GPD2: variants seen among roughly 807,000 people sequenced by gnomAD.
GPD2 encodes the protein glycerol-3-phosphate dehydrogenase, mitochondrial.
Under a neutral mutation model 82.4 loss-of-function variants are expected in GPD2, and 54 were observed. The observed-to-expected ratio is 0.66, with a 90% CI of 0.53 to 0.82. GPD2 has a LOEUF of 0.82. GPD2 is among the 40% of genes least tolerant of loss of function. The pLI, the probability that GPD2 is intolerant of heterozygous loss-of-function variation, is 0.00. For missense variants in GPD2, 748 were observed against 896.2 expected (o/e 0.83, Z 2.11); for synonymous variants, 288 against 306.1 (o/e 0.94, Z 0.62).
At position 156,476,103 on chromosome 2, in the gene GPD2, G is replaced by T. The variant is rs1036126365; in HGVS notation, c.-3G>T. ...TTTCTTATTTTTCTTTGTAGGCTAA[G>T]AAATGGCATTTCAAAAGGCAGTGAA... is the stretch of plus-strand genomic sequence containing the variant. On this transcript the variant is annotated 5_prime_UTR_variant, in exon 2 of 17. Coordinates refer to ENST00000438166, the MANE Select transcript of GPD2 (RefSeq NM_000408.5). 1 of 1,557,320 alleles carries T rather than the reference G, an allele frequency of 6.4e-7. No homozygotes were observed. Among genetic ancestry groups the T allele is most frequent in the African/African-American group, 1.4e-5 (1 of 73,848 alleles).
chr2:156,442,187 C>T (rs1200157487), intron 1 of GPD2, among the ~76,000 whole-genome samples: 1 of 152,056 alleles, frequency 6.6e-6, no homozygotes, highest in Non-Finnish European at 1.5e-5. Flanking sequence ...GACAGAGAGA[C>T]TGTTTTCTGA....
At chr2:156,503,105 T>C (rs996482550) in intron 3 of GPD2, among the ~76,000 whole-genome samples, 5 of 152,266 alleles carry the variant, frequency 3.3e-5, no homozygotes, top group African/African-American at 1.2e-4. Flanking sequence ...GTGCCTTGGC[T>C]GTGGTGCTGG....
chr2:156,543,212 T>A (rs964697333), intron 6 of GPD2, among the ~76,000 whole-genome samples: 14 of 152,162 alleles, frequency 9.2e-5, no homozygotes, highest in African/African-American at 3.4e-4. Context: ...TCCCCCTTGA[T>A]CCCATGACCA....
chr2:156,515,312 G>A (rs946279834), intron 6 of GPD2, among the ~76,000 whole-genome samples: 10 of 151,672 alleles, frequency 6.6e-5, no homozygotes, highest in Non-Finnish European at 1.2e-4. Flanking sequence ...TGAGGTGGCT[G>A]CAGTGAGCTG....
intron 2 of GPD2, among the ~76,000 whole-genome samples, chr2:156,477,431 C>T (rs910310858): frequency 2.0e-5 from 3 of 152,050 alleles, no homozygotes; most frequent in Non-Finnish European, 4.4e-5. Context: ...AACCCTGTCT[C>T]AATCAATCAA....
chr2:156,516,350 G>T (rs1306545367), intron 6 of GPD2, among the ~76,000 whole-genome samples: 2 of 152,196 alleles, frequency 1.3e-5, no homozygotes, highest in Non-Finnish European at 2.9e-5. Context: ...ATTTTAAAGT[G>T]AACAGAAATA....
chr2:156,414,603 T>C, the GPD2 span, among the ~76,000 whole-genome samples: 1 of 152,210 alleles, frequency 6.6e-6, no homozygotes, highest in East Asian at 1.9e-4. Flanking sequence ...TTTCTAGCTC[T>C]GTAACTCTGT....
At chr2:156,567,801 T>C (rs531201915) in intron 9 of GPD2, among the ~76,000 whole-genome samples, 66 of 152,260 alleles carry the variant, frequency 4.3e-4, no homozygotes, top group African/African-American at 1.5e-3. Context: ...CCTTCTCTCT[T>C]AAGTCATTTT....
intron 1 of GPD2, among the ~76,000 whole-genome samples, chr2:156,460,042 C>T (rs1041146556): frequency 6.6e-6 from 1 of 152,198 alleles, no homozygotes; most frequent in African/African-American, 2.4e-5. Flanking sequence ...CTGACTGCTT[C>T]ATGGTAGGAA....
At chr2:156,538,099 A>T (rs1223773457) in intron 6 of GPD2, among the ~76,000 whole-genome samples, 1 of 152,204 alleles carries the variant, frequency 6.6e-6, no homozygotes, top group East Asian at 1.9e-4. Flanking sequence ...TTTATGTGAG[A>T]GACATCAGAT....
intron 1 of GPD2, among the ~76,000 whole-genome samples, chr2:156,471,503 C>T (rs1683326997): frequency 6.6e-6 from 1 of 152,184 alleles, no homozygotes; most frequent in African/African-American, 2.4e-5. Flanking sequence ...TTTTTAAACA[C>T]CATTTCTAGC....
chr2:156,551,600 C>A (rs866983155), intron 8 of GPD2, among the ~76,000 whole-genome samples: 1 of 152,062 alleles, frequency 6.6e-6, no homozygotes, highest in African/African-American at 2.4e-5. Flanking sequence ...TTCATTATGG[C>A]ATTGTTTGTA....
intron 3 of GPD2, among the ~76,000 whole-genome samples, chr2:156,499,418 A>G (rs1684505512): frequency 6.6e-6 from 1 of 152,142 alleles, no homozygotes; most frequent in Non-Finnish European, 1.5e-5. Context: ...AATTGTTGAA[A>G]TGTAGGCCTG....
chr2:156,563,517 G>C (rs2105354823), intron 9 of GPD2, among the ~76,000 whole-genome samples: 1 of 152,256 alleles, frequency 6.6e-6, no homozygotes, highest in East Asian at 1.9e-4. Flanking sequence ...TGGTTTCTGG[G>C]TGAGAACTTG....
In GPD2 at chr2:156,474,847, G is replaced by T. The variant is rs138957500; in HGVS notation, c.-8-1251G>T. Among the ~76,000 whole-genome samples, 131 of 152,050 alleles carry T rather than the reference G, an allele frequency of 8.6e-4. 1 individual carries two copies. The East Asian group carries it at 0.024, about 28-fold the overall frequency. ...TATTCAGTGGAGCAGAGTGTGGGGT[G>T]GCTCATGTTTGTAATCCTAGCACTT... On this transcript the variant is annotated intron_variant, in intron 1 of 16. Coordinates refer to ENST00000438166, the MANE Select transcript of GPD2 (RefSeq NM_000408.5).
chr2:156,426,202 C>A, the GPD2 span, among the ~76,000 whole-genome samples: 1 of 152,172 alleles, frequency 6.6e-6, no homozygotes, highest in African/African-American at 2.4e-5. Flanking sequence ...GGATTACAGG[C>A]GTGAGCCACC....
rs188321723 is a variant in GPD2, at chr2:156,494,555, T to G, written c.103-1489T>G. Among the ~76,000 whole-genome samples the G allele has an allele frequency of 9.2e-5, 14 of 152,358 alleles. No individual in the cohort carries two copies. In the East Asian group the frequency reaches 2.7e-3, roughly 29 times the overall value. On this transcript the variant is annotated intron_variant, in intron 2 of 16. Transcript: ENST00000438166. ...TGGCCTGATAATAATTAAATGCAAC[T>G]GCAGGGGGTAAGTGGGTTTCCTTTA...
intron 6 of GPD2, among the ~76,000 whole-genome samples, chr2:156,531,039 C>G (rs1685835633): frequency 6.6e-6 from 1 of 152,056 alleles, no homozygotes; most frequent in East Asian, 1.9e-4. Flanking sequence ...TTAACACAAA[C>G]ATAATGAAAT....
the GPD2 span, among the ~76,000 whole-genome samples, chr2:156,425,277 T>G: frequency 7.9e-5 from 12 of 152,284 alleles, no homozygotes; most frequent in East Asian, 1.9e-3. Flanking sequence ...TTTTTTATTT[T>G]ACTTTTTGTA....
Sources: gnomAD v4.1 joint callset for allele counts (sites outside exome capture counted in the v4.1 genomes callset) on GRCh38, gnomAD v4.1.1 for gene constraint, MANE v1.5 for transcripts, NCBI Gene and HGNC (gene_info 2026-07-23, HGNC 2026-07-21) for gene names.